The following SEMA4C variants were observed in gnomAD, a reference collection of about 807,000 sequenced individuals.
The protein encoded by SEMA4C is semaphorin-4C.
Under a neutral mutation model 89.0 loss-of-function variants are expected in SEMA4C, and 19 were observed. The observed-to-expected ratio is 0.21, with a 90% CI of 0.15 to 0.31. SEMA4C has a LOEUF of 0.31. Among genes scored for constraint, SEMA4C ranks in the 10% least tolerant of loss-of-function variants. The probability of loss-of-function intolerance (pLI) is 1.00; values close to 1 mark genes in which losing one functional copy is unlikely to be tolerated. For missense variants in SEMA4C, 811 were observed against 1,107.0 expected, an observed-to-expected ratio of 0.73 and a Z score of 3.79; for synonymous variants, 428 against 472.7, an observed-to-expected ratio of 0.91 and a Z score of 1.23.
upstream of SEMA4C, chr2:96,870,151 G>A (rs1489824323): frequency 2.0e-6 from 2 of 979,250 alleles, no homozygotes; most frequent in African/African-American, 3.5e-5. Context: ...GGCCGGGGGC[G>A]GGCCGCGAAG....
At chr2:96,869,659 G>A (rs1394651271) in intron 1 of SEMA4C, 2 of 984,948 alleles carry the variant, frequency 2.0e-6, no homozygotes, top group Non-Finnish European at 2.4e-6. Context: ...CGGGGCTGCG[G>A]GGCTGCAGGT....
chr2:96,870,252 C>A (rs969956613), upstream of SEMA4C: 2 of 985,370 alleles, frequency 2.0e-6, no homozygotes, highest in South Asian at 4.7e-5. Flanking sequence ...TCTGGGTGCC[C>A]GGACCTCAAC....
chr2:96,862,050 A>G, intron 12 of SEMA4C, 156 bp from the exon 13 acceptor site: 1 of 775,748 alleles, frequency 1.3e-6, no homozygotes, highest in Non-Finnish European at 2.0e-6. Flanking sequence ...GCAGAGCTAT[A>G]GTGCTGAAAA....
chr2:96,863,440 C>T lies in SEMA4C; in HGVS notation c.1443+242G>A, dbSNP rs567647550. On this transcript the variant is annotated intron_variant, in intron 12 of 14. Coordinates refer to ENST00000305476, the MANE Select transcript of SEMA4C (RefSeq NM_017789.5). Reference sequence around the variant, plus strand: ...TGGGAGCAGTTGCCAAGGCTTGATGCTGGGAGCGCAGCCCCGTGACCTGGC... The same window carrying T: ...TGGGAGCAGTTGCCAAGGCTTGATGTTGGGAGCGCAGCCCCGTGACCTGGC... 4.7e-6 allele frequency: 6 copies of T among 1,286,800 alleles called. No individual in the cohort carries two copies. The African/African-American group carries it at 9.0e-5, about 19-fold the overall frequency. The allele number at this position is 1,286,800 out of a possible 1,614,324, so 79.7% of individuals were successfully genotyped here.
upstream of SEMA4C, chr2:96,870,209 C>T (rs1351886193): frequency 2.0e-6 from 2 of 984,986 alleles, no homozygotes; most frequent in Non-Finnish European, 2.4e-6. Context: ...TGGACCCGCC[C>T]GCTCTCCGCC....
In SEMA4C at chr2:96,860,024, T is replaced by G. The variant is rs1417877104; in HGVS notation, c.*602A>C. On this transcript the variant is annotated 3_prime_UTR_variant, in exon 15 of 15. Transcript: ENST00000305476. ...AAACACACAGGAGGCTCCATCTCCC[T>G]CCCCCCACCCTGAAAACATTCACAG... is the stretch of plus-strand genomic sequence containing the variant. 1 of 36,228 alleles carries G rather than the reference T, an allele frequency of 2.8e-5. No homozygotes were observed. The highest frequency in any genetic ancestry group is 5.3e-5 in the Non-Finnish European group (1 of 18,960). The allele number at this position is 36,228 out of a possible 1,614,324, so 2.2% of individuals were successfully genotyped here.
upstream of SEMA4C, chr2:96,870,715 C>T: frequency 2.0e-6 from 2 of 985,534 alleles, no homozygotes; most frequent in Non-Finnish European, 2.4e-6. Flanking sequence ...AAAATGACTC[C>T]TCGTGCCACT....
rs763895012 is a variant in SEMA4C at position 96,864,081 on chromosome 2, T to C, written c.1175A>G (p.Asn392Ser). The C allele has an allele frequency of 1.4e-5, 23 of 1,612,546 alleles. No individual in the cohort carries two copies. The highest frequency in any genetic ancestry group is 2.2e-5 in the South Asian group (2 of 91,062). ...SSLELPDNIL[N>S]FVKKHPLMEE... Reference sequence around the variant, plus strand: ...CATCAGCGGGTGCTTCTTGACGAAGTTGAGGATGTTGTCGGGTAGCTCCAG... The same window carrying C: ...CATCAGCGGGTGCTTCTTGACGAAGCTGAGGATGTTGTCGGGTAGCTCCAG... Residue 392 changes from asparagine to serine, a missense_variant, in exon 11 of 15, where the codon AAC becomes AGC. Asn to Ser is a conservative substitution (Grantham distance 46, BLOSUM62 1). Around this residue, in one of 4 missense-constraint regions of SEMA4C, gnomAD observed 441 missense variants for 664.9 expected, o/e 0.66. Transcript: ENST00000305476. The surrounding 1 kb of genome is among the most constrained non-coding windows in gnomAD (Gnocchi z 6.3).
chr2:96,866,977 G>A (rs971920039), intron 2 of SEMA4C: 1 of 253,416 alleles, frequency 3.9e-6, no homozygotes, highest in Non-Finnish European at 7.9e-6. Context: ...GCTGGGCTGT[G>A]AGCCAGGCCA....
chr2:96,866,553 C>A, intron 2 of SEMA4C, 122 bp from the exon 3 acceptor site: 1 of 1,345,700 alleles, frequency 7.4e-7, no homozygotes. Flanking sequence ...CCCTGATTGG[C>A]AATAAAGGAC....
chr2:96,862,599 AC>A (rs1174472020), intron 12 of SEMA4C: 1 of 152,352 alleles, frequency 6.6e-6, no homozygotes, highest in Non-Finnish European at 1.5e-5. Context: ...GCAGTGGCTC[AC>A]GCCTGTAATC....
chr2:96,870,809 C>G, upstream of SEMA4C: 1 of 957,828 alleles, frequency 1.0e-6, no homozygotes, highest in Non-Finnish European at 1.2e-6. Flanking sequence ...CCACCGCCAC[C>G]TTCAGAACCA....
chr2:96,868,742 G>C (rs1049944148), intron 1 of SEMA4C: 16 of 984,784 alleles, frequency 1.6e-5, no homozygotes, highest in Non-Finnish European at 1.8e-5. Context: ...CGCAGGCGAC[G>C]GGGGGAGGTA....
intron 2 of SEMA4C, 113 bp downstream of exon 2, chr2:96,867,665 C>CACAACCGT: frequency 8.8e-7 from 1 of 1,136,072 alleles, no homozygotes; most frequent in South Asian, 1.3e-5. Flanking sequence ...GTTCTTCCAA[C>CACAACCGT]TCGAGTTTCT....
chr2:96,870,691 G>T (rs2080180316), upstream of SEMA4C: 1 of 985,408 alleles, frequency 1.0e-6, no homozygotes, highest in African/African-American at 1.7e-5. Context: ...TTTGGGCAAA[G>T]CGCCTATCCC....
chr2:96,866,236 C>T, intron 3 of SEMA4C, 47 bp downstream of exon 3: 1 of 1,570,858 alleles, frequency 6.4e-7, no homozygotes, highest in Non-Finnish European at 8.6e-7. Context: ...CCCTCTGGGC[C>T]TTGCCCTCTG....
In SEMA4C at chr2:96,867,854, T is replaced by C; in HGVS notation, c.33A>G (p.Ala11=). The C allele has an allele frequency of 6.2e-7, 1 of 1,613,646 alleles. No homozygotes were observed. The highest frequency in any genetic ancestry group is 8.5e-7 in the Non-Finnish European group (1 of 1,179,996). ...CAATGCCCAGGCCCCACAGCCTTGC[T>C]GCCAGCAGCCAGACAGCCCAGTGTG... is the stretch of plus-strand genomic sequence containing the variant. MAPHWAVWLL[A]ARLWGLGIGA... Residue 11 remains alanine, a synonymous_variant, in exon 2 of 15, where the codon GCA becomes GCG. Transcript: ENST00000305476.
intron 1 of SEMA4C, chr2:96,868,863 G>T: frequency 1.0e-6 from 1 of 985,398 alleles, no homozygotes; most frequent in Non-Finnish European, 1.2e-6. Context: ...CGGGGACTGC[G>T]CCCCAGGGAC....
At position 96,867,795 on chromosome 2, in the gene SEMA4C, T is replaced by A. The variant is rs2080114858; in HGVS notation, c.92A>T (p.Lys31Met). 6.2e-7 allele frequency: 1 copy of A among 1,613,542 alleles called. No homozygotes were observed. The highest frequency in any genetic ancestry group is 8.5e-7 in the Non-Finnish European group (1 of 1,179,860). ...GCACTCACCCCCAGAAGACACTGTC[T>A]TACGCGGCACAAGGTTCCACCACAC... Reference protein sequence around the residue: ...AEVWWNLVPRKTVSSGELATV... With the variant: ...AEVWWNLVPRMTVSSGELATV... Residue 31 changes from lysine to methionine, a missense_variant, in exon 2 of 15, where the codon AAG becomes ATG. Physicochemically the swap from Lys to Met is moderately conservative, Grantham distance 95 (BLOSUM62 -1). Around this residue, in one of 4 missense-constraint regions of SEMA4C, gnomAD observed 119 missense variants for 152.7 expected, o/e 0.78. Coordinates refer to ENST00000305476, the MANE Select transcript of SEMA4C (RefSeq NM_017789.5).
Sources: gnomAD v4.1 joint callset for allele counts on GRCh38, gnomAD v4.1.1 for gene constraint, gnomAD v4.1.1 regional missense constraint, Gnocchi (gnomAD v3.1) non-coding constraint, MANE v1.5 for transcripts, NCBI Gene and HGNC (gene_info 2026-07-23, HGNC 2026-07-21) for gene names.